Variants in FGF14 observed in about 807,000 individuals in gnomAD.
FGF14 encodes the protein fibroblast growth factor 14.
FGF14 carries 5 observed loss-of-function variants against 25.5 expected under a neutral mutation model. The ratio of observed to expected loss-of-function variants is 0.20; its 90% CI spans 0.10 to 0.41. FGF14 has a LOEUF of 0.41. Among genes scored for constraint, FGF14 ranks in the 10% least tolerant of loss-of-function variants. The pLI is 1.00. For missense variants in FGF14, 222 were observed against 320.1 expected (o/e 0.69, Z 2.34); for synonymous variants, 138 against 118.3 (o/e 1.17, Z -1.08).
chr13:102,388,296 T>G (rs1222381473), intron 1 of FGF14, among the ~76,000 whole-genome samples: 2 of 152,190 alleles, frequency 1.3e-5, no homozygotes, highest in African/African-American at 4.8e-5. Flanking sequence ...CCAAATTGCA[T>G]AAGAAAATTA....
chr13:101,808,254 T>C (rs531946313), intron 3 of FGF14, among the ~76,000 whole-genome samples: 11 of 152,198 alleles, frequency 7.2e-5, no homozygotes, highest in Non-Finnish European at 1.5e-4. Context: ...CTACTAAATA[T>C]CCTTCTGAGA....
chr13:102,015,526 G>A (rs113596434), intron 1 of FGF14, among the ~76,000 whole-genome samples: 4,877 of 152,184 alleles, frequency 0.032, 254 homozygotes, highest in African/African-American at 0.11. Flanking sequence ...AGACTGTAAA[G>A]TAAATTCTTT....
intron 1 of FGF14, among the ~76,000 whole-genome samples, chr13:102,348,596 A>G (rs2057182088): frequency 6.6e-6 from 1 of 152,236 alleles, no homozygotes. Flanking sequence ...CTAACACCAG[A>G]TAGCAGCAAA....
chr13:102,208,177 A>G (rs1336703), intron 1 of FGF14, among the ~76,000 whole-genome samples: 120,508 of 152,134 alleles, frequency 0.79, 47,926 homozygotes, highest in African/African-American at 0.86. Context: ...GGGGAAAGGC[A>G]GAATCGCTCC....
intron 3 of FGF14, among the ~76,000 whole-genome samples, chr13:101,808,886 A>G (rs1231151470): frequency 6.6e-6 from 1 of 152,170 alleles, no homozygotes. Context: ...AATTTAGTGC[A>G]TAATGTAATT....
chr13:102,397,439 A>G (rs1031004901), intron 1 of FGF14, among the ~76,000 whole-genome samples: 6 of 152,166 alleles, frequency 3.9e-5, no homozygotes, highest in African/African-American at 1.4e-4. Context: ...AATTGATGGA[A>G]TGTTCTCAGT....
At chr13:101,952,090 A>G (rs2036202609) in intron 1 of FGF14, among the ~76,000 whole-genome samples, 1 of 152,180 alleles carries the variant, frequency 6.6e-6, no homozygotes, top group African/African-American at 2.4e-5. Context: ...AAATGCTGGA[A>G]GATATTTTGT....
rs535539371 is a variant in FGF14 at position 102,084,357 on chromosome 13, A to G, written c.209-209061T>C. On this transcript the variant is annotated intron_variant, in intron 1 of 4. Transcript: ENST00000376131. ...ATTTTGGGTCACAGTCATATGCCCC[A>G]GCACAAAAAACTAGTTACTGGTAAA... is the stretch of plus-strand genomic sequence containing the variant. 1.1e-4 allele frequency among the ~76,000 whole-genome samples: 16 copies of G among 152,338 alleles called. 2 individuals carry two copies. In the South Asian group the frequency reaches 3.3e-3, roughly 32 times the overall value.
At chr13:101,844,380 G>A (rs1443147127) in intron 3 of FGF14, among the ~76,000 whole-genome samples, 1 of 151,976 alleles carries the variant, frequency 6.6e-6, no homozygotes, top group Non-Finnish European at 1.5e-5. Context: ...GTGCATAAGA[G>A]CATCACCTTC....
At chr13:101,772,497 C>G (rs1040570320) in intron 3 of FGF14, among the ~76,000 whole-genome samples, 1 of 151,984 alleles carries the variant, frequency 6.6e-6, no homozygotes, top group Non-Finnish European at 1.5e-5. Context: ...TCTTTTCTCT[C>G]AGGCTAGAAA....
chr13:102,228,984 T>C (rs6491671), intron 1 of FGF14, among the ~76,000 whole-genome samples: 123,001 of 152,184 alleles, frequency 0.81, 50,109 homozygotes, highest in African/African-American at 0.91. Context: ...TCATTTTATT[T>C]TAATGTTCCT....
At chr13:101,764,591 A>C (rs1031427711) in intron 3 of FGF14, among the ~76,000 whole-genome samples, 5 of 152,174 alleles carry the variant, frequency 3.3e-5, no homozygotes, top group African/African-American at 1.2e-4. Flanking sequence ...CTCCCTGCTT[A>C]TTCTGAGCAG....
In FGF14 at chr13:102,327,827, C is replaced by T. The variant is rs1255706370; in HGVS notation, c.208+73644G>A. Reference sequence around the variant, plus strand: ...GCACCCCAATCTGACAGAGTGAGACCATGTCTCCAAAAAAACAGAACAAAA... The same window carrying T: ...GCACCCCAATCTGACAGAGTGAGACTATGTCTCCAAAAAAACAGAACAAAA... On this transcript the variant is annotated intron_variant, in intron 1 of 4. Coordinates refer to the FGF14 transcript ENST00000376131. Among the ~76,000 whole-genome samples the T allele has an allele frequency of 2.0e-5, 3 of 147,536 alleles. No homozygotes were observed. In the East Asian group the frequency reaches 6.0e-4, roughly 30 times the overall value.
At chr13:101,954,407 G>C (rs994661105) in intron 1 of FGF14, among the ~76,000 whole-genome samples, 1 of 152,120 alleles carries the variant, frequency 6.6e-6, no homozygotes, top group African/African-American at 2.4e-5. Flanking sequence ...GTAGCACTAT[G>C]GGCTTGAGAG....
chr13:102,327,139 G>GTAATGGT (rs1364988005), intron 1 of FGF14, among the ~76,000 whole-genome samples: 8 of 152,194 alleles, frequency 5.3e-5, no homozygotes, highest in Non-Finnish European at 1.2e-4. Flanking sequence ...TGGTCTACCA[G>GTAATGGT]CCTACCTGGT....
At chr13:102,246,751 C>CATAT (rs34759741) in intron 1 of FGF14, among the ~76,000 whole-genome samples, 5,459 of 147,972 alleles carry the variant, frequency 0.037, 113 homozygotes, top group African/African-American at 0.056. Context: ...TTATATGGAA[C>CATAT]ATATATATAT....
intron 1 of FGF14, among the ~76,000 whole-genome samples, chr13:102,149,139 G>A (rs1181146015): frequency 6.6e-6 from 1 of 151,814 alleles, no homozygotes; most frequent in African/African-American, 2.4e-5. Context: ...AAGGCAGCAT[G>A]TCATTAATTA....
chr13:102,276,042 G>T (rs2053521283), intron 1 of FGF14, among the ~76,000 whole-genome samples: 1 of 151,904 alleles, frequency 6.6e-6, no homozygotes, highest in Non-Finnish European at 1.5e-5. Context: ...CTTTTAGGAA[G>T]CATTGTAGAA....
At position 102,045,392 on chromosome 13, in the gene FGF14, G is replaced by C. The variant is rs1407821900; in HGVS notation, c.209-170096C>G. Among the ~76,000 whole-genome samples the C allele has an allele frequency of 2.6e-5, 4 of 152,242 alleles. No individual in the cohort carries two copies. In the East Asian group the frequency reaches 7.7e-4, roughly 29 times the overall value. On this transcript the variant is annotated intron_variant, in intron 1 of 4. Coordinates refer to the FGF14 transcript ENST00000376131. ...CTCTTTCACGAATATTAGGTTTTTA[G>C]AATTTCATAAATGGTGAGGAGAAAA...
Sources: allele counts gnomAD v4.1 joint callset (sites outside exome capture counted in the v4.1 genomes callset), GRCh38; gene constraint gnomAD v4.1.1; transcripts MANE v1.5; gene names NCBI Gene and HGNC (gene_info 2026-07-23, HGNC 2026-07-21).